The following RAPGEF1 variants were observed in gnomAD, a reference collection of about 807,000 sequenced individuals.
The protein encoded by RAPGEF1 is Rap guanine nucleotide exchange factor 1, also known as CRK SH3-binding GNRP.
A neutral mutation model predicts 143.3 loss-of-function variants in RAPGEF1; 33 were observed. The ratio of observed to expected loss-of-function variants is 0.23; its 90% CI spans 0.17 to 0.31. RAPGEF1 has a LOEUF of 0.31. RAPGEF1 is among the 10% of genes least tolerant of loss of function. RAPGEF1 has a pLI of 1.00. For missense variants in RAPGEF1, 1,199 were observed against 1,645.4 expected, an observed-to-expected ratio of 0.73 and a Z score of 4.69; for synonymous variants, 629 against 676.5, an observed-to-expected ratio of 0.93 and a Z score of 1.09.
At chr9:131,694,905 G>A (rs1223903386) in intron 1 of RAPGEF1, among the ~76,000 whole-genome samples, 4 of 149,030 alleles carry the variant, frequency 2.7e-5, no homozygotes, top group Admixed American at 6.7e-5. Context: ...CCATTAACTC[G>A]TCATTTAACA....
intron 5 of RAPGEF1, among the ~76,000 whole-genome samples, chr9:131,635,059 G>A (rs1453290746): frequency 6.6e-6 from 1 of 152,148 alleles, no homozygotes; most frequent in Non-Finnish European, 1.5e-5. Context: ...TGAGGGGACA[G>A]GGGTCTATCT....
intron 5 of RAPGEF1, among the ~76,000 whole-genome samples, chr9:131,637,673 C>T (rs961432697): frequency 6.6e-6 from 1 of 152,198 alleles, no homozygotes; most frequent in African/African-American, 2.4e-5. Context: ...TCTAGCACCA[C>T]ATAATTAATA....
At chr9:131,601,137 A>G (rs11788332) in intron 15 of RAPGEF1, among the ~76,000 whole-genome samples, 40,526 of 144,206 alleles carry the variant, frequency 0.28, 6,549 homozygotes, top group Non-Finnish European at 0.37. Flanking sequence ...GCGCCACTGC[A>G]CTCTAGCCTG....
chr9:131,684,480 T>C (rs564740525), intron 1 of RAPGEF1, among the ~76,000 whole-genome samples: 16 of 152,318 alleles, frequency 1.1e-4, no homozygotes, highest in Non-Finnish European at 1.9e-4. Context: ...GGACAAGCCA[T>C]AGTGGAAAGA....
chr9:131,646,186 C>T (rs1588720891), intron 3 of RAPGEF1, among the ~76,000 whole-genome samples: 1 of 152,222 alleles, frequency 6.6e-6, no homozygotes, highest in African/African-American at 2.4e-5. Context: ...GAAGTGGATA[C>T]TATTATTTCA....
chr9:131,707,851 T>G (rs1835192430), intron 1 of RAPGEF1, among the ~76,000 whole-genome samples: 1 of 152,218 alleles, frequency 6.6e-6, no homozygotes, highest in Non-Finnish European at 1.5e-5. Context: ...TCAGCATGAC[T>G]ATTCAAAAAA....
At chr9:131,590,646 T>C (rs1954062222) in intron 18 of RAPGEF1, among the ~76,000 whole-genome samples, 1 of 152,242 alleles carries the variant, frequency 6.6e-6, no homozygotes, top group African/African-American at 2.4e-5. Flanking sequence ...CAGATCTCTC[T>C]GACACCCTCC....
At chr9:131,629,306 G>A (rs1440459181) in intron 6 of RAPGEF1, 52 bp from the exon 7 acceptor site, 14 of 1,547,120 alleles carry the variant, frequency 9.0e-6, no homozygotes, top group Non-Finnish European at 1.2e-5. Flanking sequence ...GCGGGACAGA[G>A]CACACACAGG....
chr9:131,659,827 C>CT (rs11388798), intron 1 of RAPGEF1, among the ~76,000 whole-genome samples: 9,071 of 149,434 alleles, frequency 0.061, 634 homozygotes, highest in African/African-American at 0.16. Context: ...TTATATTTTT[C>CT]TTTTTTTTTG....
intron 17 of RAPGEF1, among the ~76,000 whole-genome samples, chr9:131,593,386 C>G (rs897835548): frequency 2.6e-5 from 4 of 152,224 alleles, no homozygotes; most frequent in African/African-American, 9.6e-5. Context: ...CAACGGGTGG[C>G]CAGACTCACT....
Position 131,739,854 on chromosome 9 carries a change from G to C in RAPGEF1, c.-24C>G, listed in dbSNP as rs937415712. On this transcript the variant is annotated 5_prime_UTR_variant, in exon 1 of 27. Transcript: ENST00000683357. Reference sequence around the variant, plus strand: ...ATCGGGCCCGGGCCGGGCCGCCGCGGGGCGACAGGGGCGGCGCGCCCGCCG... The same window carrying C: ...ATCGGGCCCGGGCCGGGCCGCCGCGCGGCGACAGGGGCGGCGCGCCCGCCG... 6 of 1,004,376 alleles carry C rather than the reference G, an allele frequency of 6.0e-6. No homozygotes were observed. The South Asian group carries it at 2.7e-4, about 45-fold the overall frequency. 62.2% of individuals were successfully genotyped at this position (1,004,376 alleles called of 1,614,324 possible). A position where few individuals can be genotyped will look rare whatever the true frequency, so the allele number is the denominator to read the frequency against.
chr9:131,596,212 C>T lies in RAPGEF1; in HGVS notation c.2689+86G>A. The T allele has an allele frequency of 2.3e-6, 3 of 1,301,748 alleles. No individual in the cohort carries two copies. The South Asian group carries it at 3.7e-5, about 16-fold the overall frequency. The allele number at this position is 1,301,748 out of a possible 1,614,324, so 80.6% of individuals were successfully genotyped here. A position where few individuals can be genotyped will look rare whatever the true frequency, so the allele number is the denominator to read the frequency against. On this transcript the variant is annotated intron_variant, in intron 17 of 26. Coordinates refer to ENST00000683357, the MANE Select transcript of RAPGEF1 (RefSeq NM_001377935.1). ...TCAGACCTGCTCAGGGCTGTGGCTG[C>T]CAGGAGGGGACAGGATAGCGGTGGG... is the stretch of plus-strand genomic sequence containing the variant.
At chr9:131,726,145 C>T (rs932188184) in intron 1 of RAPGEF1, among the ~76,000 whole-genome samples, 6 of 151,982 alleles carry the variant, frequency 3.9e-5, no homozygotes, top group Non-Finnish European at 5.9e-5. Flanking sequence ...CAAATTCTCA[C>T]GCAGATAAGC....
chr9:131,624,972 T>G (rs2132942644), intron 10 of RAPGEF1, among the ~76,000 whole-genome samples: 1 of 152,362 alleles, frequency 6.6e-6, no homozygotes. Flanking sequence ...AGGGCGACCC[T>G]TGCTGGACTG....
At chr9:131,733,245 C>T in intron 1 of RAPGEF1, among the ~76,000 whole-genome samples, 1 of 151,860 alleles carries the variant, frequency 6.6e-6, no homozygotes, top group East Asian at 1.9e-4. Flanking sequence ...GGGCTTCAAA[C>T]CTAGATGACG....
At chr9:131,684,050 T>C (rs1009294122) in intron 1 of RAPGEF1, among the ~76,000 whole-genome samples, 1 of 152,252 alleles carries the variant, frequency 6.6e-6, no homozygotes, top group Non-Finnish European at 1.5e-5. Context: ...ATTTAACCCA[T>C]GTTAGTGCCT....
intron 11 of RAPGEF1, among the ~76,000 whole-genome samples, chr9:131,619,547 A>T (rs2132810570): frequency 6.6e-6 from 1 of 152,268 alleles, no homozygotes; most frequent in Middle Eastern, 3.4e-3. Context: ...TCCATGTGTC[A>T]TTCACACGTC....
rs906886290 is a variant in RAPGEF1 at position 131,667,233 on chromosome 9, G to C, written c.62-16284C>G. Among the ~76,000 whole-genome samples, 4 of 152,134 alleles carry C rather than the reference G, an allele frequency of 2.6e-5. No homozygotes were observed. Among genetic ancestry groups the C allele is most frequent in the Non-Finnish European group, 4.4e-5 (3 of 68,018 alleles). On this transcript the variant is annotated intron_variant, in intron 1 of 26. Transcript: ENST00000683357. The surrounding 1 kb of genome is among the most constrained non-coding windows in gnomAD (Gnocchi z 4.6). ...TCAAACTCCTGACCTCCAGTGATCT[G>C]CCTGCCTCGGCCTCCCCAAAGTGCT... is the stretch of plus-strand genomic sequence containing the variant.
At chr9:131,730,824 C>T (rs1171751353) in intron 1 of RAPGEF1, among the ~76,000 whole-genome samples, 1 of 152,046 alleles carries the variant, frequency 6.6e-6, no homozygotes, top group African/African-American at 2.4e-5. Context: ...TGCCCACGGT[C>T]ACCCAGCCAG....
Sources: gnomAD v4.1 joint callset for allele counts (sites outside exome capture counted in the v4.1 genomes callset) on GRCh38, gnomAD v4.1.1 for gene constraint, Gnocchi (gnomAD v3.1) non-coding constraint, MANE v1.5 for transcripts, NCBI Gene and HGNC (gene_info 2026-07-23, HGNC 2026-07-21) for gene names.